The following MYO5B variants were observed in gnomAD, a reference collection of about 807,000 sequenced individuals.
The protein encoded by MYO5B is unconventional myosin-Vb.
Under a neutral mutation model 229.3 loss-of-function variants are expected in MYO5B, and 143 were observed. That is an observed-to-expected ratio of 0.62 (90% CI 0.54 to 0.72). MYO5B has a LOEUF of 0.72. Among genes scored for constraint, MYO5B ranks in the 30% least tolerant of loss-of-function variants. The pLI, the probability that MYO5B is intolerant of heterozygous loss-of-function variation, is 0.00. For synonymous variants in MYO5B, 918 were observed against 885.2 expected (o/e 1.04, Z -0.66); for missense variants, 2,321 against 2,331.0 (o/e 1.00, Z 0.09).
intron 4 of MYO5B, among the ~76,000 whole-genome samples, chr18:50,008,150 T>A (rs113521944): frequency 0.041 from 6,236 of 152,236 alleles, 416 homozygotes; most frequent in African/African-American, 0.14. Context: ...TCAGTGTAAG[T>A]TTAAATATGT....
rs575177676 is a variant in MYO5B, at chr18:50,095,367, C to T, written c.28-39989G>A. On this transcript the variant is annotated intron_variant, in intron 1 of 39. Coordinates refer to ENST00000285039, the MANE Select transcript of MYO5B (RefSeq NM_001080467.3). The stretch of plus-strand genomic sequence containing the variant: ...CATTTCCCTCCTCTACACAGCAAGC[C>T]GTGCAGTTAACCTGTGCATTCAAGG... Among the ~76,000 whole-genome samples, 3 of 152,298 alleles carry T rather than the reference C, an allele frequency of 2.0e-5. No individual in the cohort carries two copies. The East Asian group carries it at 5.8e-4, about 29-fold the overall frequency.
At chr18:50,128,694 G>A (rs569130089) in intron 1 of MYO5B, among the ~76,000 whole-genome samples, 11 of 152,142 alleles carry the variant, frequency 7.2e-5, no homozygotes, top group Non-Finnish European at 1.3e-4. Context: ...AGAAGGCCAC[G>A]TGCCAGCACC....
In MYO5B at chr18:50,040,229, G is replaced by C; in HGVS notation, c.224C>G (p.Thr75Ser). The C allele has an allele frequency of 6.2e-7, 1 of 1,614,106 alleles. No individual in the cohort carries two copies. The highest frequency in any genetic ancestry group is 1.3e-5 in the African/African-American group (1 of 75,018). ...AGGCTCATGAAGATAGCTAAGGGCA[G>C]TCAGGTCATTTTCTCCCACCAAGAT... is the stretch of plus-strand genomic sequence containing the variant. ...PDILVGENDL[T>S]ALSYLHEPAV... The change falls in exon 3 of 40, where the codon ACT becomes AGT. Residue 75 changes from threonine to serine, a missense_variant. This residue lies in a region of MYO5B where 2,113 missense variants were observed against 2,044.7 expected (regional missense o/e 1.03). Transcript: ENST00000285039.
chr18:49,838,305 T>C (rs1166616778), intron 36 of MYO5B, among the ~76,000 whole-genome samples: 1 of 152,196 alleles, frequency 6.6e-6, no homozygotes, highest in African/African-American at 2.4e-5. Flanking sequence ...TTGTCTGAGG[T>C]CACACTGATA....
intron 6 of MYO5B, among the ~76,000 whole-genome samples, chr18:49,991,585 C>T (rs1184865975): frequency 1.3e-5 from 2 of 152,112 alleles, no homozygotes; most frequent in African/African-American, 4.8e-5. Context: ...AGTGAAGAAT[C>T]AAGTCAGGTG....
At chr18:49,992,779 A>C (rs2025947956) in intron 5 of MYO5B, among the ~76,000 whole-genome samples, 1 of 152,082 alleles carries the variant, frequency 6.6e-6, no homozygotes, top group Non-Finnish European at 1.5e-5. Context: ...TTATCTTGGA[A>C]CCATGAGGAA....
chr18:49,848,638 G>C (rs950202604), intron 32 of MYO5B, among the ~76,000 whole-genome samples: 1 of 152,218 alleles, frequency 6.6e-6, no homozygotes, highest in African/African-American at 2.4e-5. Context: ...TCTGGGAACA[G>C]GGGACAAGAA....
At chr18:50,033,120 A>G (rs983151240) in intron 4 of MYO5B, among the ~76,000 whole-genome samples, 1 of 152,192 alleles carries the variant, frequency 6.6e-6, no homozygotes, top group Non-Finnish European at 1.5e-5. Context: ...ACCAATTGAC[A>G]TTCCCACTAG....
intron 22 of MYO5B, among the ~76,000 whole-genome samples, chr18:49,885,845 C>T (rs1242521225): frequency 6.6e-6 from 1 of 152,172 alleles, no homozygotes; most frequent in Non-Finnish European, 1.5e-5. Context: ...TCTGTAGTGG[C>T]CTTACATTAG....
At chr18:50,081,311 C>A (rs907528548) in intron 1 of MYO5B, among the ~76,000 whole-genome samples, 2 of 152,212 alleles carry the variant, frequency 1.3e-5, no homozygotes, top group Non-Finnish European at 2.9e-5. Context: ...CAAGCCCATG[C>A]TCCCAATGGG....
intron 16 of MYO5B, among the ~76,000 whole-genome samples, chr18:49,933,435 C>T (rs1169476063): frequency 1.3e-5 from 2 of 152,192 alleles, no homozygotes; most frequent in Non-Finnish European, 2.9e-5. Context: ...CCTGTCCTAG[C>T]CCAGTGCCTA....
intron 1 of MYO5B, among the ~76,000 whole-genome samples, chr18:50,188,801 A>AC (rs2033187317): frequency 1.6e-5 from 1 of 62,606 alleles, no homozygotes; most frequent in African/African-American, 4.3e-5. Flanking sequence ...AAAAAAAAAA[A>AC]AAAAAAAAAA....
chr18:49,979,105 T>C lies in MYO5B; in HGVS notation c.1056+1339A>G, dbSNP rs192421150. On this transcript the variant is annotated intron_variant, in intron 9 of 39. Transcript: ENST00000285039. ...GGGAAGGTTTGTCCTGCACTGGAGG[T>C]TCCTCCACCACCCCCTGGGCCACAG... 1.2e-3 allele frequency among the ~76,000 whole-genome samples: 185 copies of C among 152,126 alleles called. 1 individual carries two copies. Among genetic ancestry groups the C allele is most frequent in the Non-Finnish European group, 6.8e-4 (46 of 67,982 alleles).
At chr18:50,093,376 C>T (rs1439361737) in intron 1 of MYO5B, among the ~76,000 whole-genome samples, 1 of 152,162 alleles carries the variant, frequency 6.6e-6, no homozygotes, top group Non-Finnish European at 1.5e-5. Flanking sequence ...CCTACAGTAA[C>T]ACTAGCTTGA....
chr18:49,826,658 T>A lies in MYO5B; in HGVS notation c.5395-35A>T, dbSNP rs762413597. On this transcript the variant is annotated intron_variant, in intron 39 of 39. Transcript: ENST00000285039. ...AGAATAAGACCATGTAAAGTTTGAGTACCCCTAAAAATAGCCAGTTTAAGT... is the reference window on the plus strand; with the variant it reads ...AGAATAAGACCATGTAAAGTTTGAGAACCCCTAAAAATAGCCAGTTTAAGT... 3 of 1,611,216 alleles carry A rather than the reference T, an allele frequency of 1.9e-6. No individual in the cohort carries two copies. In the Admixed American group the frequency reaches 5.0e-5, roughly 27 times the overall value.
rs371191905 is a variant in MYO5B, at chr18:50,094,889, G to A, written c.28-39511C>T. Among the ~76,000 whole-genome samples, 21 of 152,180 alleles carry A rather than the reference G, an allele frequency of 1.4e-4. No homozygotes were observed. In the East Asian group the frequency reaches 1.9e-3, roughly 14 times the overall value. On this transcript the variant is annotated intron_variant, in intron 1 of 39. Transcript: ENST00000285039. ...GTCACTCAGCCTTGAGTGCAGTGAT[G>A]TGATCTTAGCTCACTGCAACCTCCA...
chr18:49,837,849 T>G, intron 36 of MYO5B, 47 bp from the exon 37 acceptor site: 1 of 1,605,912 alleles, frequency 6.2e-7, no homozygotes, highest in East Asian at 2.2e-5. Context: ...CCACTAACAA[T>G]GCAAAGATTG....
chr18:50,114,722 C>T (rs925980429), intron 1 of MYO5B, among the ~76,000 whole-genome samples: 8 of 152,242 alleles, frequency 5.3e-5, no homozygotes, highest in African/African-American at 9.6e-5. Context: ...TGGCCAGCAC[C>T]GCTGCATCTA....
chr18:50,105,204 AAAAT>A (rs149697050), intron 1 of MYO5B, among the ~76,000 whole-genome samples: 41,625 of 138,826 alleles, frequency 0.3, 6,460 homozygotes, highest in East Asian at 0.49. Context: ...AGGCATGGTA[AAAAT>A]AAATAAATAA....
Sources: gnomAD v4.1 joint callset for allele counts (sites outside exome capture counted in the v4.1 genomes callset) on GRCh38, gnomAD v4.1.1 for gene constraint, gnomAD v4.1.1 regional missense constraint, MANE v1.5 for transcripts, NCBI Gene and HGNC (gene_info 2026-07-23, HGNC 2026-07-21) for gene names.